The following MALRD1 variants were observed in gnomAD, a reference collection of about 807,000 sequenced individuals.
The protein encoded by MALRD1 is MAM and LDL-receptor class A domain-containing protein 1.
A neutral mutation model predicts 242.1 loss-of-function variants in MALRD1; 247 were observed. The observed-to-expected ratio is 1.02, with a 90% confidence interval of 0.92 to 1.13. The LOEUF (loss-of-function observed/expected upper bound fraction) is 1.13. Among genes scored for constraint, MALRD1 ranks in the 50% most tolerant of loss-of-function variants. MALRD1 has a pLI of 0.00. For synonymous variants in MALRD1, 995 were observed against 866.6 expected (o/e 1.15, Z -2.60); for missense variants, 2,989 against 2,533.1 (o/e 1.18, Z -3.86).
chr10:19,614,953 A>G (rs1002867701), intron 35 of MALRD1, among the ~76,000 whole-genome samples: 8 of 152,082 alleles, frequency 5.3e-5, no homozygotes, highest in African/African-American at 1.9e-4. Context: ...TATCACAAAT[A>G]TGTCATGCAG....
intron 26 of MALRD1, among the ~76,000 whole-genome samples, chr10:19,374,619 T>C (rs930300348): frequency 6.6e-6 from 1 of 152,182 alleles, no homozygotes; most frequent in Non-Finnish European, 1.5e-5. Context: ...TACATACACA[T>C]GCATATATAC....
intron 14 of MALRD1, among the ~76,000 whole-genome samples, chr10:19,180,069 G>A (rs192358471): frequency 6.6e-6 from 1 of 152,240 alleles, no homozygotes; most frequent in African/African-American, 2.4e-5. Context: ...ATTAAAAAGA[G>A]GCAAGAGGAA....
chr10:19,257,907 C>G, intron 19 of MALRD1, 136 bp downstream of exon 19: 1 of 559,054 alleles, frequency 1.8e-6, no homozygotes, highest in Non-Finnish European at 3.0e-6. Flanking sequence ...ACTATTAACT[C>G]TGGAAAAGAT....
intron 29 of MALRD1, among the ~76,000 whole-genome samples, chr10:19,485,202 G>T (rs926868061): frequency 1.3e-5 from 2 of 152,068 alleles, no homozygotes; most frequent in African/African-American, 4.8e-5. Context: ...AGTAGTTCGA[G>T]GGATGAAAAA....
Position 19,609,922 on chromosome 10 carries a change from T to C in MALRD1, c.6070+2020T>C, listed in dbSNP as rs1269808673. ...GTAGGATGGGACATTATAAATATAATACTATACATAATAAATATTGATAAT... is the reference window on the plus strand; with the variant it reads ...GTAGGATGGGACATTATAAATATAACACTATACATAATAAATATTGATAAT... On this transcript the variant is annotated intron_variant, in intron 35 of 39. Coordinates refer to ENST00000454679, the MANE Select transcript of MALRD1 (RefSeq NM_001142308.3). Among the ~76,000 whole-genome samples the C allele has an allele frequency of 2.0e-5, 3 of 152,024 alleles. No homozygotes were observed. In the East Asian group the frequency reaches 5.8e-4, roughly 29 times the overall value.
chr10:19,497,257 C>T (rs146639638), intron 30 of MALRD1, among the ~76,000 whole-genome samples: 159 of 150,696 alleles, frequency 1.1e-3, no homozygotes, highest in African/African-American at 3.6e-3. Context: ...ACCAGCAGAA[C>T]GGAATGTCTC....
chr10:19,135,295 C>T (rs1009378211), intron 9 of MALRD1, among the ~76,000 whole-genome samples: 2 of 152,140 alleles, frequency 1.3e-5, no homozygotes, highest in Admixed American at 6.6e-5. Context: ...GCTGGGACTA[C>T]AGGCATGTGC....
chr10:19,311,045 A>G (rs1028847910), intron 21 of MALRD1, among the ~76,000 whole-genome samples: 1 of 151,530 alleles, frequency 6.6e-6, no homozygotes, highest in Admixed American at 6.6e-5. Flanking sequence ...GTTGAAACAC[A>G]TAATATTTGG....
chr10:19,082,030 G>A lies in MALRD1; in HGVS notation c.341-5810G>A, dbSNP rs184531838. Among the ~76,000 whole-genome samples the A allele has an allele frequency of 1.4e-3, 206 of 151,802 alleles. 1 individual carries two copies. Among genetic ancestry groups the A allele is most frequent in the Non-Finnish European group, 2.3e-3 (156 of 67,860 alleles). On this transcript the variant is annotated intron_variant, in intron 2 of 39. Transcript: ENST00000454679. ...TTATGATTATACCTATCATCAGAGC[G>A]ATATGTTGTTTGTTGCCATTTTGCT...
chr10:19,639,753 A>G (rs1840302617), intron 36 of MALRD1, among the ~76,000 whole-genome samples: 1 of 152,240 alleles, frequency 6.6e-6, no homozygotes, highest in Non-Finnish European at 1.5e-5. Context: ...AGCTAAGCAC[A>G]GTATCATTTT....
intron 18 of MALRD1, among the ~76,000 whole-genome samples, chr10:19,237,852 G>A (rs1223522785): frequency 1.7e-5 from 2 of 120,276 alleles, no homozygotes; most frequent in Non-Finnish European, 3.2e-5. Context: ...TAATTATATA[G>A]TTATATATAA....
intron 1 of MALRD1, among the ~76,000 whole-genome samples, chr10:19,053,965 C>T (rs1834587989): frequency 6.6e-6 from 1 of 151,924 alleles, no homozygotes; most frequent in South Asian, 2.1e-4. Context: ...TGATATTAAG[C>T]ACTTAACCTA....
chr10:19,258,977 T>C (rs1839636152), intron 19 of MALRD1, among the ~76,000 whole-genome samples: 1 of 152,104 alleles, frequency 6.6e-6, no homozygotes, highest in Non-Finnish European at 1.5e-5. Flanking sequence ...CCACCCTCAT[T>C]GCCCTCACCA....
At chr10:19,572,676 A>G (rs991090954) in intron 33 of MALRD1, among the ~76,000 whole-genome samples, 11 of 152,204 alleles carry the variant, frequency 7.2e-5, no homozygotes, top group African/African-American at 2.2e-4. Context: ...TGTAATTAAG[A>G]TGTAAATTAA....
intron 26 of MALRD1, among the ~76,000 whole-genome samples, chr10:19,362,630 G>T (rs779181585): frequency 9.2e-5 from 14 of 152,098 alleles, no homozygotes; most frequent in Non-Finnish European, 1.9e-4. Context: ...TAGTGGGATA[G>T]GAGGTCAGAG....
intron 18 of MALRD1, among the ~76,000 whole-genome samples, chr10:19,248,956 A>G: frequency 6.8e-6 from 1 of 146,742 alleles, no homozygotes; most frequent in East Asian, 2.0e-4. Context: ...TATAAATTAT[A>G]TATTATATAT....
chr10:19,420,165 G>A (rs1451216631), intron 28 of MALRD1, among the ~76,000 whole-genome samples: 2 of 152,074 alleles, frequency 1.3e-5, no homozygotes, highest in Non-Finnish European at 1.5e-5. Context: ...TTCCCCTGTC[G>A]GCTAGGGTTA....
At chr10:19,569,977 A>C (rs1461634624) in intron 33 of MALRD1, among the ~76,000 whole-genome samples, 1 of 151,844 alleles carries the variant, frequency 6.6e-6, no homozygotes, top group Non-Finnish European at 1.5e-5. Flanking sequence ...CTGTTTTTCA[A>C]AATAACATAC....
intron 29 of MALRD1, among the ~76,000 whole-genome samples, chr10:19,484,973 C>A (rs1192149100): frequency 2.0e-5 from 3 of 152,090 alleles, no homozygotes; most frequent in Non-Finnish European, 4.4e-5. Flanking sequence ...TATATATACA[C>A]CATGAAATAC....
Sources: allele counts gnomAD v4.1 joint callset (sites outside exome capture counted in the v4.1 genomes callset), GRCh38; gene constraint gnomAD v4.1.1; transcripts MANE v1.5; gene names NCBI Gene and HGNC (gene_info 2026-07-23, HGNC 2026-07-21).